The following INPP5D variants were observed in gnomAD, a reference collection of about 807,000 sequenced individuals.
INPP5D encodes inositol polyphosphate-5-phosphatase D.
Under a neutral mutation model 122.9 loss-of-function variants are expected in INPP5D, and 33 were observed. That is an observed-to-expected ratio of 0.27 (90% CI 0.20 to 0.36). The LOEUF is 0.36. INPP5D is among the 10% of genes least tolerant of loss of function. INPP5D has a pLI of 1.00. For synonymous variants in INPP5D, 584 were observed against 576.2 expected, an observed-to-expected ratio of 1.01 and a Z score of -0.19; for missense variants, 1,053 against 1,412.7, an observed-to-expected ratio of 0.75 and a Z score of 4.08.
intron 26 of INPP5D, 134 bp downstream of exon 26, chr2:233,204,851 T>A: frequency 8.2e-7 from 1 of 1,226,058 alleles, no homozygotes; most frequent in Non-Finnish European, 1.1e-6. Context: ...TGTGAACGCA[T>A]GCATGTGCAC....
At chr2:233,181,374 G>A (rs909932095) in intron 18 of INPP5D, among the ~76,000 whole-genome samples, 1 of 152,144 alleles carries the variant, frequency 6.6e-6, no homozygotes, top group African/African-American at 2.4e-5. Flanking sequence ...TTTGCTGGCG[G>A]TTTTTCCTTT....
rs1385790074 is a variant in INPP5D, at chr2:233,105,975, C to G, written c.199-16132C>G. Among the ~76,000 whole-genome samples, 1 of 152,120 alleles carries G rather than the reference C, an allele frequency of 6.6e-6. No homozygotes were observed. Among genetic ancestry groups the G allele is most frequent in the Middle Eastern group, 3.2e-3 (1 of 316 alleles). ...AGCATGTGGAACTTGACGATTTGTC[C>G]CTATTGGCAGATACTGATGATAAAA... On this transcript the variant is annotated intron_variant, in intron 2 of 26. Coordinates refer to ENST00000445964, the MANE Select transcript of INPP5D (RefSeq NM_001017915.3). This position sits in a 1 kb window ranked among gnomAD's most constrained non-coding sequence, Gnocchi z 4.0.
rs1189446853 is a variant in INPP5D at position 233,155,623 on chromosome 2, A to AAAAT, written c.1031-2655_1031-2652dup. ...GTGATGGAGCGAGACTCCATCTCAAAAAATAAATAAATAAATAAATAAATA... is the reference window on the plus strand; with the variant it reads ...GTGATGGAGCGAGACTCCATCTCAAAAAATAAATAAATAAATAAATAAATAAATA... On this transcript the variant is annotated intron_variant, in intron 9 of 26. Transcript: ENST00000445964. Among the ~76,000 whole-genome samples the AAAAT allele has an allele frequency of 2.4e-3, 241 of 101,638 alleles. 1 individual carries two copies. The highest frequency in any genetic ancestry group is 8.0e-3 in the African/African-American group (229 of 28,640). 66.7% of individuals were successfully genotyped at this position (101,638 alleles called of 152,430 possible). A position where few individuals can be genotyped will look rare whatever the true frequency, so the allele number is the denominator to read the frequency against.
intron 1 of INPP5D, among the ~76,000 whole-genome samples, chr2:233,077,822 T>C (rs1366972850): frequency 3.3e-5 from 5 of 149,672 alleles, no homozygotes; most frequent in Non-Finnish European, 7.4e-5. Flanking sequence ...ATCGTGCCAC[T>C]GCACTCCAGC....
chr2:233,192,105 T>C (rs1239281253), intron 22 of INPP5D, among the ~76,000 whole-genome samples: 1 of 152,138 alleles, frequency 6.6e-6, no homozygotes, highest in Non-Finnish European at 1.5e-5. Context: ...GTCCCCAAGC[T>C]GCAGGAGGGG....
intron 2 of INPP5D, among the ~76,000 whole-genome samples, chr2:233,114,763 C>T (rs1389560719): frequency 6.6e-6 from 1 of 152,194 alleles, no homozygotes; most frequent in South Asian, 2.1e-4. Flanking sequence ...CCACCACAGC[C>T]GAGTGGTGTT....
intron 9 of INPP5D, among the ~76,000 whole-genome samples, chr2:233,148,419 C>T (rs1693828634): frequency 4.6e-5 from 7 of 152,198 alleles, no homozygotes; most frequent in Admixed American, 4.6e-4. Context: ...GTAAGAGGCA[C>T]ATTGGCGGAG....
chr2:233,198,500 T>C, intron 25 of INPP5D, 124 bp downstream of exon 25: 1 of 1,415,240 alleles, frequency 7.1e-7, no homozygotes, highest in South Asian at 1.5e-5. Context: ...GCTCATGACT[T>C]ATCCCTGGGG....
intron 2 of INPP5D, among the ~76,000 whole-genome samples, chr2:233,119,626 G>A (rs11885054): frequency 1.3e-5 from 2 of 151,952 alleles, no homozygotes; most frequent in East Asian, 1.9e-4. Flanking sequence ...ACACACATAC[G>A]CCCAGGCATA....
At chr2:233,130,821 A>G in intron 5 of INPP5D, 173 bp downstream of exon 5, 1 of 781,914 alleles carries the variant, frequency 1.3e-6, no homozygotes, top group African/African-American at 1.7e-5. Flanking sequence ...AGGTCTTGTT[A>G]TCATGGAATT....
chr2:233,194,031 A>G, intron 23 of INPP5D, 70 bp downstream of exon 23: 3 of 1,481,102 alleles, frequency 2.0e-6, no homozygotes, highest in Non-Finnish European at 2.7e-6. Flanking sequence ...GCTTTCTCTC[A>G]GCAAAGCTGT....
intron 24 of INPP5D, 47 bp downstream of exon 24, chr2:233,195,542 C>CAA: frequency 6.2e-7 from 1 of 1,611,386 alleles, no homozygotes; most frequent in East Asian, 2.2e-5. Context: ...ATATCAGGGA[C>CAA]TCATGACAAA....
chr2:233,167,723 G>A (rs1374132516), intron 13 of INPP5D, among the ~76,000 whole-genome samples: 1 of 152,144 alleles, frequency 6.6e-6, no homozygotes, highest in African/African-American at 2.4e-5. Flanking sequence ...AAGAAAATGG[G>A]GCCGGGTGCC....
chr2:233,169,421 C>G lies in INPP5D; in HGVS notation c.1652+20C>G, dbSNP rs149304203. ...ACTCAGGTAATGGAACTCCTTCCCC[C>G]CAAGAGTGTGCATTTGGGCTGTCTG... On this transcript the variant is annotated intron_variant, in intron 14 of 26. Coordinates refer to ENST00000445964, the MANE Select transcript of INPP5D (RefSeq NM_001017915.3). 22 of 1,571,568 alleles carry G rather than the reference C, an allele frequency of 1.4e-5. No individual in the cohort carries two copies. In the African/African-American group the frequency reaches 1.9e-4, roughly 14 times the overall value.
chr2:233,084,850 A>G (rs1016399225), intron 2 of INPP5D, among the ~76,000 whole-genome samples: 4 of 152,210 alleles, frequency 2.6e-5, no homozygotes, highest in Non-Finnish European at 4.4e-5. Context: ...AATGGGCCCC[A>G]AGGGGGTCCG....
chr2:233,106,402 G>A (rs1209365191), intron 2 of INPP5D, among the ~76,000 whole-genome samples: 1 of 152,224 alleles, frequency 6.6e-6, no homozygotes, highest in Admixed American at 6.5e-5. Context: ...GGGCCCAGGA[G>A]GGCGAGTAGA....
chr2:233,068,418 C>T (rs939116976), intron 1 of INPP5D, among the ~76,000 whole-genome samples: 127 of 151,514 alleles, frequency 8.4e-4, no homozygotes, highest in African/African-American at 3.0e-3. Flanking sequence ...CACAGTGAAA[C>T]CCTGTCTCTA....
rs964641751 is a variant in INPP5D at position 233,188,630 on chromosome 2, C to T, written c.2359-1220C>T. Among the ~76,000 whole-genome samples, 13 of 152,130 alleles carry T rather than the reference C, an allele frequency of 8.5e-5. No individual in the cohort carries two copies. Among genetic ancestry groups the T allele is most frequent in the Non-Finnish European group, 1.3e-4 (9 of 68,012 alleles). Reference sequence around the variant, plus strand: ...AGGCTGGAGTGCAGTGGTGCCATCTCGGCTCACTGCAACCTCCGCCTCCAA... The same window carrying T: ...AGGCTGGAGTGCAGTGGTGCCATCTTGGCTCACTGCAACCTCCGCCTCCAA... On this transcript the variant is annotated intron_variant, in intron 21 of 26. Transcript: ENST00000445964. The surrounding 1 kb of genome is among the most constrained non-coding windows in gnomAD (Gnocchi z 4.7).
intron 18 of INPP5D, among the ~76,000 whole-genome samples, chr2:233,180,543 G>T (rs558440051): frequency 7.3e-5 from 11 of 151,644 alleles, no homozygotes; most frequent in Non-Finnish European, 1.6e-4. Context: ...TGTTTTTTTT[G>T]TTTTGTTTTG....
Sources: gnomAD v4.1 joint callset for allele counts (sites outside exome capture counted in the v4.1 genomes callset) on GRCh38, gnomAD v4.1.1 for gene constraint, Gnocchi (gnomAD v3.1) non-coding constraint, MANE v1.5 for transcripts, NCBI Gene and HGNC (gene_info 2026-07-23, HGNC 2026-07-21) for gene names.